CALB2: variants seen among roughly 807,000 people sequenced by gnomAD.
CALB2 encodes the protein calbindin 2, also known as calretinin.
CALB2 carries 34 observed loss-of-function variants against 45.9 expected under a neutral mutation model. That is an observed-to-expected ratio of 0.74 (90% CI 0.56 to 0.99). CALB2 has a LOEUF of 0.99. Among genes scored for constraint, CALB2 ranks in the 50% least tolerant of loss-of-function variants. The pLI is 0.00. For missense variants in CALB2, 344 were observed against 339.3 expected (o/e 1.01, Z -0.11); for synonymous variants, 142 against 129.6 (o/e 1.10, Z -0.65).
intron 10 of CALB2, among the ~76,000 whole-genome samples, chr16:71,387,928 G>A (rs921743308): frequency 1.3e-5 from 2 of 152,118 alleles, no homozygotes; most frequent in African/African-American, 2.4e-5. Flanking sequence ...CATAAAAAGA[G>A]AAGCCCCGGC....
intron 1 of CALB2, among the ~76,000 whole-genome samples, chr16:71,361,743 C>T (rs1390385292): frequency 6.6e-6 from 1 of 152,100 alleles, no homozygotes; most frequent in Non-Finnish European, 1.5e-5. Context: ...ACAGAAAAAG[C>T]CACCATCACC....
chr16:71,375,285 C>T (rs571104749), intron 3 of CALB2, among the ~76,000 whole-genome samples: 4 of 152,308 alleles, frequency 2.6e-5, no homozygotes, highest in South Asian at 2.1e-4. Context: ...ATAATTTACA[C>T]GTATCCATGT....
In CALB2 at chr16:71,374,757, G is replaced by T; in HGVS notation, c.184G>T (p.Asp62Tyr). 2 of 1,612,514 alleles carry T rather than the reference G, an allele frequency of 1.2e-6. No homozygotes were observed. The highest frequency in any genetic ancestry group is 1.1e-5 in the South Asian group (1 of 90,912). Residue 62 changes from aspartate to tyrosine, a missense_variant, in exon 3 of 11, where the codon GAC becomes TAC. Transcript: ENST00000302628. Reference protein sequence around the residue: ...RKGSGMMSKSDNFGEKMKEFM... With the variant: ...RKGSGMMSKSYNFGEKMKEFM... The stretch of plus-strand genomic sequence containing the variant: ...TGTCTTTCCACAGATGTCAAAGAGT[G>T]ACAACTTTGGAGAAAAGATGAAGGA...
chr16:71,385,618 T>G lies in CALB2; in HGVS notation c.669T>G (p.Leu223=). Reference sequence around the variant, plus strand: ...TTGACGAGCATGAGCTGGATGCCCTTTTGAAGGATCTGTACGAGAAAAACA... The same window carrying G: ...TTGACGAGCATGAGCTGGATGCCCTGTTGAAGGATCTGTACGAGAAAAACA... The part of the protein sequence containing the change: ...GYIDEHELDA[L]LKDLYEKNKK... The change falls in exon 10 of 11, where the codon CTT becomes CTG. Residue 223 remains leucine, a synonymous_variant. Transcript: ENST00000302628. 6.2e-7 allele frequency: 1 copy of G among 1,613,944 alleles called. No individual in the cohort carries two copies. The highest frequency in any genetic ancestry group is 2.2e-5 in the East Asian group (1 of 44,852).
At chr16:71,365,875 TC>T (rs1330150164) in intron 1 of CALB2, among the ~76,000 whole-genome samples, 1 of 150,938 alleles carries the variant, frequency 6.6e-6, no homozygotes, top group African/African-American at 2.4e-5. Flanking sequence ...AACACCCCCT[TC>T]CCCCCATCCA....
At chr16:71,382,506 G>A (rs1288620984) in intron 4 of CALB2, among the ~76,000 whole-genome samples, 3 of 152,184 alleles carry the variant, frequency 2.0e-5, no homozygotes, top group African/African-American at 7.2e-5. Flanking sequence ...CGTGGTTCTG[G>A]CCCAGGCGCT....
intron 4 of CALB2, among the ~76,000 whole-genome samples, chr16:71,379,046 G>A (rs1317655280): frequency 1.3e-5 from 2 of 152,150 alleles, no homozygotes; most frequent in Non-Finnish European, 2.9e-5. Flanking sequence ...GGAGGCCAAG[G>A]CAGGTGGATC....
chr16:71,369,332 C>T (rs6499512), intron 1 of CALB2, among the ~76,000 whole-genome samples: 27,434 of 151,968 alleles, frequency 0.18, 2,977 homozygotes, highest in African/African-American at 0.3. Flanking sequence ...AATCTGGGTA[C>T]GACAGAGGGA....
intron 3 of CALB2, among the ~76,000 whole-genome samples, chr16:71,376,084 G>A (rs1197459846): frequency 6.6e-6 from 1 of 152,192 alleles, no homozygotes; most frequent in Admixed American, 6.5e-5. Context: ...ATTCAAAGGG[G>A]CTTAAACCAA....
intron 4 of CALB2, 40 bp downstream of exon 4, chr16:71,377,787 C>G: frequency 6.8e-7 from 1 of 1,462,180 alleles, no homozygotes; most frequent in Non-Finnish European, 9.6e-7. Flanking sequence ...GCACTGGGAC[C>G]TGCCTTCCTC....
intron 10 of CALB2, among the ~76,000 whole-genome samples, chr16:71,386,690 TTTAA>T (rs1197615255): frequency 6.6e-6 from 1 of 152,212 alleles, no homozygotes; most frequent in East Asian, 1.9e-4. Flanking sequence ...TGCTGCTTTC[TTTAA>T]TTAGACAATG....
Position 71,372,196 on chromosome 16 carries a change from A to C in CALB2, c.138A>C (p.Gln46His). 6.2e-7 allele frequency: 1 copy of C among 1,613,230 alleles called. No individual in the cohort carries two copies. The highest frequency in any genetic ancestry group is 8.5e-7 in the Non-Finnish European group (1 of 1,179,544). ...IEGKELENFFQELEKARKGSG... is the reference protein window; with the variant it reads ...IEGKELENFFHELEKARKGSG... ...GTAAAGAGCTAGAAAACTTTTTCCAAGAGCTGGAGAAGGCAAGGAAAGGCT... is the reference window on the plus strand; with the variant it reads ...GTAAAGAGCTAGAAAACTTTTTCCACGAGCTGGAGAAGGCAAGGAAAGGCT... Residue 46 changes from glutamine to histidine, a missense_variant, in exon 2 of 11, where the codon CAA (glutamine) becomes CAC (histidine). This residue lies in a region of CALB2 where 77 missense variants were observed against 80.5 expected (regional missense o/e 0.96). Coordinates refer to ENST00000302628, the MANE Select transcript of CALB2 (RefSeq NM_001740.5).
At chr16:71,382,041 G>T (rs192100138) in intron 4 of CALB2, among the ~76,000 whole-genome samples, 4 of 81,870 alleles carry the variant, frequency 4.9e-5, no homozygotes, top group Admixed American at 1.3e-4. Context: ...GGAGGAGGAG[G>T]AGTAGGAGGA....
chr16:71,380,484 T>C (rs1375919871), intron 4 of CALB2, among the ~76,000 whole-genome samples: 2 of 151,840 alleles, frequency 1.3e-5, no homozygotes, highest in African/African-American at 4.8e-5. Context: ...AATTTTGTAT[T>C]TTTAATAGAG....
At chr16:71,374,698 C>A in intron 2 of CALB2, 47 bp from the exon 3 acceptor site, 3 of 1,293,328 alleles carry the variant, frequency 2.3e-6, no homozygotes, top group Middle Eastern at 1.8e-4. Flanking sequence ...GATCATGGTT[C>A]ACATGAGATA....
intron 1 of CALB2, among the ~76,000 whole-genome samples, chr16:71,364,084 G>C (rs1013131284): frequency 6.6e-6 from 1 of 152,154 alleles, no homozygotes; most frequent in Non-Finnish European, 1.5e-5. Flanking sequence ...AGCGTCCTTG[G>C]GTTGTGGAGT....
Position 71,382,593 on chromosome 16 carries a change from T to C in CALB2, c.343-126T>C, listed in dbSNP as rs148434480. ...AAGGGTCTGGGCTACATCATCTCCA[T>C]GTCTCCATCCCATTCCGATATTCTT... On this transcript the variant is annotated intron_variant, in intron 4 of 10. Coordinates refer to ENST00000302628, the MANE Select transcript of CALB2 (RefSeq NM_001740.5). The C allele has an allele frequency of 9.4e-5, 80 of 851,522 alleles. No homozygotes were observed. In the African/African-American group the frequency reaches 1.2e-3, roughly 13 times the overall value. 52.7% of individuals were successfully genotyped at this position (851,522 alleles called of 1,614,324 possible).
In CALB2 at chr16:71,384,006, G is replaced by A. The variant is rs1425681384; in HGVS notation, c.514G>A (p.Gly172Ser). 1.9e-6 allele frequency: 3 copies of A among 1,613,738 alleles called. No homozygotes were observed. The highest frequency in any genetic ancestry group is 1.3e-5 in the African/African-American group (1 of 74,910). The change falls in exon 7 of 11, where the codon GGC becomes AGC. Residue 172 changes from glycine to serine, a missense_variant. By Grantham distance (56) the Gly-to-Ser change is moderately conservative. Around this residue, in one of 3 missense-constraint regions of CALB2, gnomAD observed 263 missense variants for 241.7 expected, o/e 1.09. Transcript: ENST00000302628. ...TGACTTGAACGGGGATGGCAAATTG[G>A]GCCTCTCAGAGATGTCCCGGTAAGC... ...MFDLNGDGKL[G>S]LSEMSRLLPV...
chr16:71,368,402 G>A (rs1406896612), intron 1 of CALB2, among the ~76,000 whole-genome samples: 1 of 152,192 alleles, frequency 6.6e-6, no homozygotes, highest in Non-Finnish European at 1.5e-5. Context: ...CAAGCTACTT[G>A]GGAGGCTGAG....
Sources: allele counts gnomAD v4.1 joint callset (sites outside exome capture counted in the v4.1 genomes callset), GRCh38; gene constraint gnomAD v4.1.1; regional missense constraint gnomAD v4.1.1; transcripts MANE v1.5; gene names NCBI Gene and HGNC (gene_info 2026-07-23, HGNC 2026-07-21).